The following ADCY8 variants were observed in gnomAD, a reference collection of about 807,000 sequenced individuals.
The protein encoded by ADCY8 is adenylate cyclase 8.
ADCY8 carries 51 observed loss-of-function variants against 119.7 expected under a neutral mutation model. That is an observed-to-expected ratio of 0.43 (90% CI 0.34 to 0.54). The LOEUF is 0.54. ADCY8 is among the 20% of genes least tolerant of loss of function. ADCY8 has a pLI of 0.03. For synonymous variants in ADCY8, 665 were observed against 651.0 expected (o/e 1.02, Z -0.33); for missense variants, 1,383 against 1,598.8 (o/e 0.87, Z 2.30).
chr8:130,780,973 G>T, intron 17 of ADCY8, 96 bp from the exon 18 acceptor site: 2 of 1,498,648 alleles, frequency 1.3e-6, no homozygotes, highest in East Asian at 2.3e-5. Context: ...TATGTGTGGG[G>T]TCTCTGTGGA....
intron 5 of ADCY8, among the ~76,000 whole-genome samples, chr8:130,929,195 A>T (rs1425779134): frequency 6.6e-6 from 1 of 150,964 alleles, no homozygotes; most frequent in Admixed American, 6.6e-5. Context: ...CTAACTTTGG[A>T]CTTAGTTTGT....
intron 7 of ADCY8, among the ~76,000 whole-genome samples, chr8:130,900,606 T>A (rs1332442258): frequency 6.6e-6 from 1 of 152,212 alleles, no homozygotes; most frequent in African/African-American, 2.4e-5. Flanking sequence ...AATGCCATAC[T>A]CTAGGCTTCT....
chr8:130,975,434 G>A (rs987986038), intron 2 of ADCY8, among the ~76,000 whole-genome samples: 1 of 152,200 alleles, frequency 6.6e-6, no homozygotes, highest in African/African-American at 2.4e-5. Flanking sequence ...AGAACACACA[G>A]TCTGTGGGGA....
At chr8:130,942,681 A>G (rs1445327167) in intron 4 of ADCY8, among the ~76,000 whole-genome samples, 1 of 152,220 alleles carries the variant, frequency 6.6e-6, no homozygotes, top group Non-Finnish European at 1.5e-5. Context: ...TACACACTTT[A>G]CACAGCAGGA....
intron 2 of ADCY8, among the ~76,000 whole-genome samples, chr8:130,954,123 T>TCCAGG (rs1821354334): frequency 6.6e-6 from 1 of 152,182 alleles, no homozygotes; most frequent in African/African-American, 2.4e-5. Context: ...CCACACACAC[T>TCCAGG]CCAGGACCCC....
In ADCY8 at chr8:130,803,871, A is replaced by C. The variant is rs184045218; in HGVS notation, c.2914-3299T>G. 3.9e-5 allele frequency among the ~76,000 whole-genome samples: 6 copies of C among 152,360 alleles called. No individual in the cohort carries two copies. The East Asian group carries it at 1.2e-3, about 29-fold the overall frequency. On this transcript the variant is annotated intron_variant, in intron 14 of 17. Coordinates refer to ENST00000286355, the MANE Select transcript of ADCY8 (RefSeq NM_001115.3). ...TCTCTTGAACTTTAAGCATGGATTAATCTAAACTGATGCCTTCTTTAGTCC... is the reference window on the plus strand; with the variant it reads ...TCTCTTGAACTTTAAGCATGGATTACTCTAAACTGATGCCTTCTTTAGTCC...
intron 1 of ADCY8, among the ~76,000 whole-genome samples, chr8:131,016,215 G>T (rs1186058276): frequency 2.0e-5 from 3 of 152,130 alleles, no homozygotes; most frequent in Non-Finnish European, 2.9e-5. Context: ...GCAGTATGGT[G>T]GGGGGAGGTT....
intron 2 of ADCY8, among the ~76,000 whole-genome samples, chr8:130,988,272 T>G (rs1316975099): frequency 6.6e-6 from 1 of 152,188 alleles, no homozygotes; most frequent in African/African-American, 2.4e-5. Flanking sequence ...ACTGATGATG[T>G]GGAGTCAGCT....
intron 5 of ADCY8, among the ~76,000 whole-genome samples, chr8:130,922,259 G>T (rs555536633): frequency 2.7e-5 from 4 of 150,152 alleles, no homozygotes; most frequent in African/African-American, 9.8e-5. Flanking sequence ...TCTCACAGAG[G>T]GGGATTTGGC....
intron 6 of ADCY8, among the ~76,000 whole-genome samples, chr8:130,906,297 T>C (rs907827138): frequency 3.3e-5 from 5 of 152,202 alleles, no homozygotes; most frequent in Admixed American, 3.3e-4. Context: ...GCTTACCTTT[T>C]CTCCTAGACA....
At chr8:131,024,715 T>C (rs1453975433) in intron 1 of ADCY8, among the ~76,000 whole-genome samples, 1 of 152,220 alleles carries the variant, frequency 6.6e-6, no homozygotes, top group East Asian at 1.9e-4. Flanking sequence ...AATGACTGAA[T>C]GACTAAAATG....
intron 8 of ADCY8, among the ~76,000 whole-genome samples, chr8:130,876,473 GTTCGAGGACTCATCATTCC>G (rs147103228): frequency 0.33 from 50,055 of 151,686 alleles, 8,999 homozygotes; most frequent in East Asian, 0.55. Context: ...TTCAACGGTG[GTTCGAGGACTCATCATTCC>G]TTCTCCCACT....
chr8:131,014,867 CTTTT>C (rs1327720866), intron 1 of ADCY8, among the ~76,000 whole-genome samples: 5 of 152,160 alleles, frequency 3.3e-5, no homozygotes, highest in Non-Finnish European at 7.3e-5. Flanking sequence ...TAATTTCTTT[CTTTT>C]TCTCATCTAT....
intron 5 of ADCY8, among the ~76,000 whole-genome samples, chr8:130,922,294 G>C (rs567434317): frequency 1.3e-5 from 2 of 150,752 alleles, no homozygotes; most frequent in Admixed American, 6.6e-5. Flanking sequence ...ATAGTGGAGG[G>C]AAGGTCAGCA....
At chr8:130,789,875 C>T (rs1270500779) in intron 15 of ADCY8, among the ~76,000 whole-genome samples, 1 of 152,152 alleles carries the variant, frequency 6.6e-6, no homozygotes, top group Non-Finnish European at 1.5e-5. Context: ...CTCAGAAACT[C>T]TCGGGATGGG....
At chr8:130,784,521 C>T (rs1815190608) in intron 16 of ADCY8, among the ~76,000 whole-genome samples, 1 of 152,150 alleles carries the variant, frequency 6.6e-6, no homozygotes, top group African/African-American at 2.4e-5. Flanking sequence ...GGCTAGATAG[C>T]CAATATTTTA....
chr8:130,895,516 A>G (rs1819356909), intron 7 of ADCY8, among the ~76,000 whole-genome samples: 1 of 152,148 alleles, frequency 6.6e-6, no homozygotes, highest in African/African-American at 2.4e-5. Context: ...AATCCATTCA[A>G]TGTTCTCTGG....
intron 11 of ADCY8, 73 bp downstream of exon 11, chr8:130,847,351 G>A (rs1216123014): frequency 8.8e-7 from 1 of 1,137,550 alleles, no homozygotes; most frequent in Non-Finnish European, 1.3e-6. Context: ...CCTTCAGCCA[G>A]TCTTGTTTAT....
At chr8:130,991,739 C>T (rs1286287346) in intron 1 of ADCY8, among the ~76,000 whole-genome samples, 2 of 152,144 alleles carry the variant, frequency 1.3e-5, no homozygotes, top group African/African-American at 2.4e-5. Flanking sequence ...AAAAGATAGT[C>T]AACAGACATC....
Sources: allele counts gnomAD v4.1 joint callset (sites outside exome capture counted in the v4.1 genomes callset), GRCh38; gene constraint gnomAD v4.1.1; transcripts MANE v1.5; gene names NCBI Gene and HGNC (gene_info 2026-07-23, HGNC 2026-07-21).